Variants in SLC27A6 observed in about 807,000 individuals in gnomAD.
SLC27A6 encodes the protein solute carrier family 27 member 6, also known as long-chain fatty acid transport protein 6.
In SLC27A6, 74 loss-of-function variants were observed where a neutral mutation model predicts 63.9. The observed-to-expected ratio is 1.16, with a 90% CI of 0.96 to 1.40. SLC27A6 has a LOEUF of 1.40. Among genes scored for constraint, SLC27A6 ranks in the 40% most tolerant of loss-of-function variants. The pLI is 0.00. For synonymous variants in SLC27A6, 287 were observed against 260.8 expected, an observed-to-expected ratio of 1.10 and a Z score of -0.97; for missense variants, 794 against 732.9, an observed-to-expected ratio of 1.08 and a Z score of -0.96.
At chr5:129,027,966 T>A (rs1752297988) in intron 7 of SLC27A6, among the ~76,000 whole-genome samples, 1 of 152,112 alleles carries the variant, frequency 6.6e-6, no homozygotes, top group Admixed American at 6.6e-5. Flanking sequence ...AGTGGGTCAG[T>A]GTCCTAAAAG....
rs1033547790 is a variant in SLC27A6, at chr5:129,016,159, G to A, written c.1164+80G>A. The A allele has an allele frequency of 3.8e-5, 36 of 946,166 alleles. No individual in the cohort carries two copies. In the African/African-American group the frequency reaches 4.1e-4, roughly 11 times the overall value. 58.6% of individuals were successfully genotyped at this position (946,166 alleles called of 1,614,324 possible). On this transcript the variant is annotated intron_variant, in intron 5 of 9. Transcript: ENST00000262462. ...TGTAATCCCAACACTTTGGGACGCC[G>A]AGGTGGGCAGATCATGAGGTCAGGA...
intron 4 of SLC27A6, among the ~76,000 whole-genome samples, chr5:129,013,922 A>T (rs2150148876): frequency 6.6e-6 from 1 of 152,338 alleles, no homozygotes; most frequent in South Asian, 2.1e-4. Context: ...GCCTGATGGC[A>T]CATGGCTGGG....
chr5:129,029,193 A>T (rs2289213), intron 8 of SLC27A6, among the ~76,000 whole-genome samples: 34,073 of 152,030 alleles, frequency 0.22, 3,881 homozygotes, highest in Middle Eastern at 0.28. Context: ...TTAAAAAATA[A>T]GCCCTTCATA....
At chr5:128,985,072 C>G in intron 1 of SLC27A6, 61 bp from the exon 2 acceptor site, 1 of 1,258,462 alleles carries the variant, frequency 7.9e-7, no homozygotes, top group Non-Finnish European at 1.1e-6. Context: ...AAAAGCAACT[C>G]CAAAGTGAAT....
chr5:129,008,111 T>C (rs965227028), intron 4 of SLC27A6, among the ~76,000 whole-genome samples: 6 of 152,170 alleles, frequency 3.9e-5, no homozygotes, highest in African/African-American at 1.4e-4. Flanking sequence ...TGATATGATA[T>C]GTGTATATTT....
Position 128,985,280 on chromosome 5 carries a change from A to G in SLC27A6, c.629A>G (p.His210Arg), listed in dbSNP as rs2150134207. 3 of 1,614,136 alleles carry G rather than the reference A, an allele frequency of 1.9e-6. No homozygotes were observed. The highest frequency in any genetic ancestry group is 1.7e-4 in the Middle Eastern group (1 of 6,052). Residue 210 changes from histidine to arginine, a missense_variant, in exon 2 of 10, where the codon CAT becomes CGT. Physicochemically the swap from His to Arg is conservative, Grantham distance 29. Coordinates refer to ENST00000262462, the MANE Select transcript of SLC27A6 (RefSeq NM_001017372.3). ...SPDEPVPRSHHVVSLLKSTCL... is the reference protein window; with the variant it reads ...SPDEPVPRSHRVVSLLKSTCL... The stretch of plus-strand genomic sequence containing the variant: ...GATGAGCCCGTGCCACGCAGCCACC[A>G]TGTTGTCTCACTCCTCAAGTCTACT...
At chr5:129,027,484 T>C (rs1299718330) in intron 7 of SLC27A6, among the ~76,000 whole-genome samples, 153 bp downstream of exon 7, 1 of 152,146 alleles carries the variant, frequency 6.6e-6, no homozygotes, top group African/African-American at 2.4e-5. Flanking sequence ...GCCATCTGTT[T>C]CTAGACTGAA....
chr5:129,012,865 T>A (rs1421820009), intron 4 of SLC27A6, among the ~76,000 whole-genome samples: 1 of 152,004 alleles, frequency 6.6e-6, no homozygotes, highest in Non-Finnish European at 1.5e-5. Flanking sequence ...AGGATATAGT[T>A]GAGTTTTATA....
intron 4 of SLC27A6, among the ~76,000 whole-genome samples, chr5:129,008,941 G>A (rs560791665): frequency 4.2e-5 from 6 of 141,314 alleles, no homozygotes; most frequent in South Asian, 4.4e-4. Context: ...ATCTTGGCTC[G>A]TTGCAACCTC....
chr5:128,993,797 G>C (rs899487651), intron 4 of SLC27A6, among the ~76,000 whole-genome samples: 1 of 152,048 alleles, frequency 6.6e-6, no homozygotes, highest in Non-Finnish European at 1.5e-5. Flanking sequence ...CAGAATGCCT[G>C]ATTGCTTTTT....
chr5:128,966,676 CTT>C, intron 1 of SLC27A6, 58 bp downstream of exon 1: 1 of 1,046,774 alleles, frequency 9.6e-7, no homozygotes, highest in South Asian at 2.9e-5. Context: ...CTTTCATACC[CTT>C]TTTTTTTTCT....
At chr5:128,990,750 A>C (rs935119945) in intron 4 of SLC27A6, among the ~76,000 whole-genome samples, 1 of 152,168 alleles carries the variant, frequency 6.6e-6, no homozygotes, top group African/African-American at 2.4e-5. Context: ...GCCATGGGTC[A>C]TGGAAGAGAA....
At chr5:128,998,714 T>C (rs1365550951) in intron 4 of SLC27A6, among the ~76,000 whole-genome samples, 1 of 152,190 alleles carries the variant, frequency 6.6e-6, no homozygotes, top group Non-Finnish European at 1.5e-5. Context: ...TTTCTTTGAG[T>C]ATTCATTTGC....
At chr5:128,996,164 T>C (rs989789281) in intron 4 of SLC27A6, among the ~76,000 whole-genome samples, 1 of 152,178 alleles carries the variant, frequency 6.6e-6, no homozygotes, top group African/African-American at 2.4e-5. Flanking sequence ...TATAGTGTGA[T>C]ACATGTATGA....
Position 129,033,460 on chromosome 5 carries a change from CAGT to C in SLC27A6, c.*182_*184del, listed in dbSNP as rs998574693. ...TTTAATTTCTTTTAATTGATATAAA[CAGT>C]AGTTGATTATTCTTTTTATCTATTT... is the stretch of plus-strand genomic sequence containing the variant. On this transcript the variant is annotated 3_prime_UTR_variant, in exon 10 of 10. Transcript: ENST00000262462. 7.9e-5 allele frequency: 31 copies of C among 390,080 alleles called. No homozygotes were observed. The highest frequency in any genetic ancestry group is 6.3e-4 in the African/African-American group (30 of 47,750). The allele number at this position is 390,080 out of a possible 1,614,324, so 24.2% of individuals were successfully genotyped here. A position where few individuals can be genotyped will look rare whatever the true frequency, so the allele number is the denominator to read the frequency against.
intron 5 of SLC27A6, among the ~76,000 whole-genome samples, chr5:129,019,432 T>A (rs1752005171): frequency 7.1e-6 from 1 of 139,950 alleles, no homozygotes; most frequent in Admixed American, 7.2e-5. Context: ...GAAATAAAGC[T>A]CGGAAAAAAA....
At chr5:128,991,331 C>T (rs771995435) in intron 4 of SLC27A6, among the ~76,000 whole-genome samples, 19 of 152,154 alleles carry the variant, frequency 1.2e-4, no homozygotes, top group Non-Finnish European at 2.8e-4. Flanking sequence ...TCCAGCTAGT[C>T]CTGTCTCTCA....
chr5:128,989,130 G>C (rs1750890136), intron 3 of SLC27A6, among the ~76,000 whole-genome samples: 1 of 152,178 alleles, frequency 6.6e-6, no homozygotes, highest in Admixed American at 6.6e-5. Flanking sequence ...AAGACACATA[G>C]GTTATTTTAC....
Position 128,996,040 on chromosome 5 carries a change from T to C in SLC27A6, c.969+5576T>C, listed in dbSNP as rs574351194. On this transcript the variant is annotated intron_variant, in intron 4 of 9. Transcript: ENST00000262462. Reference sequence around the variant, plus strand: ...GGAATTAAAATTAATTTTTTTGATCTGTTAAGTTTGATATATTAGGCATCC... The same window carrying C: ...GGAATTAAAATTAATTTTTTTGATCCGTTAAGTTTGATATATTAGGCATCC... Among the ~76,000 whole-genome samples, 33 of 152,212 alleles carry C rather than the reference T, an allele frequency of 2.2e-4. 1 individual carries two copies. In the South Asian group the frequency reaches 3.9e-3, roughly 18 times the overall value.
Sources: gnomAD v4.1 joint callset for allele counts (sites outside exome capture counted in the v4.1 genomes callset) on GRCh38, gnomAD v4.1.1 for gene constraint, MANE v1.5 for transcripts, NCBI Gene and HGNC (gene_info 2026-07-23, HGNC 2026-07-21) for gene names.